ATXN1: variants seen among roughly 807,000 people sequenced by gnomAD.
ATXN1 encodes ataxin-1.
In ATXN1, 8 loss-of-function variants were observed where a neutral mutation model predicts 56.4. The ratio of observed to expected loss-of-function variants is 0.14; its 90% confidence interval spans 0.08 to 0.26. ATXN1 has a LOEUF of 0.26. ATXN1 is among the 10% of genes least tolerant of loss of function. ATXN1 has a pLI of 1.00. For missense variants in ATXN1, 987 were observed against 1,106.5 expected (o/e 0.89, Z 1.53); for synonymous variants, 514 against 494.6 (o/e 1.04, Z -0.52).
Position 16,328,390 on chromosome 6 carries a change from T to C in ATXN1, c.-80A>G, listed in dbSNP as rs1276451256. 7.1e-6 allele frequency: 10 copies of C among 1,416,398 alleles called. No individual in the cohort carries two copies. In the African/African-American group the frequency reaches 1.4e-4, roughly 20 times the overall value. 87.7% of individuals were successfully genotyped at this position (1,416,398 alleles called of 1,614,324 possible). On this transcript the variant is annotated 5_prime_UTR_variant, in exon 7 of 8. The change abolishes an upstream ATG in the 5' untranslated region. Coordinates refer to ENST00000436367, the MANE Select transcript of ATXN1 (RefSeq NM_001128164.2). The surrounding 1 kb of genome is among the most constrained non-coding windows in gnomAD (Gnocchi z 6.2). ...TTAGTCTGATAAACGGAAAGTCACA[T>C]TTGATTTCTGTAGGGGATCCAGGCT...
chr6:16,415,139 A>G (rs1445253040), intron 6 of ATXN1, among the ~76,000 whole-genome samples: 4 of 152,372 alleles, frequency 2.6e-5, no homozygotes, highest in African/African-American at 7.2e-5. Flanking sequence ...AGAAGAAGAA[A>G]TTATTTTAAA....
chr6:16,426,607 A>ATG (rs144648865), intron 6 of ATXN1, among the ~76,000 whole-genome samples: 54,188 of 149,210 alleles, frequency 0.36, 9,971 homozygotes, highest in African/African-American at 0.39. Context: ...GTGTGTCTGT[A>ATG]TGTGTGTGTG....
intron 4 of ATXN1, among the ~76,000 whole-genome samples, chr6:16,552,266 C>T (rs1761935000): frequency 6.6e-6 from 1 of 152,214 alleles, no homozygotes; most frequent in African/African-American, 2.4e-5. Context: ...GTCTTTCTAA[C>T]CAGCTCACTC....
At chr6:16,405,471 T>C (rs1287515140) in intron 6 of ATXN1, among the ~76,000 whole-genome samples, 4 of 152,210 alleles carry the variant, frequency 2.6e-5, no homozygotes, top group Admixed American at 2.6e-4. Context: ...ACCTTGTGGA[T>C]GGCAATGATC....
At chr6:16,517,081 G>A (rs1274993498) in intron 5 of ATXN1, among the ~76,000 whole-genome samples, 1 of 152,216 alleles carries the variant, frequency 6.6e-6, no homozygotes, top group East Asian at 1.9e-4. Flanking sequence ...GGATCATCAG[G>A]AATTAAGTGC....
intron 5 of ATXN1, among the ~76,000 whole-genome samples, chr6:16,489,128 T>G (rs1014060734): frequency 6.6e-6 from 1 of 152,232 alleles, no homozygotes; most frequent in African/African-American, 2.4e-5. Flanking sequence ...CCACTGGATT[T>G]ATTTAAGTCT....
chr6:16,440,649 A>AAAAAAAAAAAAAGAAAG (rs56105499), intron 6 of ATXN1, among the ~76,000 whole-genome samples: 1 of 113,660 alleles, frequency 8.8e-6, no homozygotes, highest in Non-Finnish European at 1.8e-5. Flanking sequence ...TTAAAAAAAA[A>AAAAAAAAAAAAAGAAAG]AAAGAAAAGA....
At chr6:16,449,066 T>C (rs1312811686) in intron 6 of ATXN1, among the ~76,000 whole-genome samples, 1 of 152,034 alleles carries the variant, frequency 6.6e-6, no homozygotes, top group African/African-American at 2.4e-5. Context: ...CTTGTGTAGA[T>C]CTCAAAATAA....
chr6:16,490,861 G>A (rs1005573085), intron 5 of ATXN1, among the ~76,000 whole-genome samples: 3 of 151,808 alleles, frequency 2.0e-5, no homozygotes, highest in African/African-American at 7.3e-5. Flanking sequence ...GCCAATCAAA[G>A]GCCTCTCTCA....
At chr6:16,376,410 T>C (rs1237392990) in intron 6 of ATXN1, among the ~76,000 whole-genome samples, 1 of 152,220 alleles carries the variant, frequency 6.6e-6, no homozygotes, top group Non-Finnish European at 1.5e-5. Flanking sequence ...ACCCACAGAA[T>C]TTCATTTAAT....
intron 6 of ATXN1, among the ~76,000 whole-genome samples, chr6:16,344,182 C>G (rs1761323332): frequency 6.6e-6 from 1 of 152,120 alleles, no homozygotes; most frequent in Non-Finnish European, 1.5e-5. Flanking sequence ...TCCTTAGCAC[C>G]CTGCTCCAAC....
chr6:16,391,410 A>C (rs1758353439), intron 6 of ATXN1, among the ~76,000 whole-genome samples: 1 of 152,192 alleles, frequency 6.6e-6, no homozygotes, highest in South Asian at 2.1e-4. Context: ...AGACATTTGC[A>C]GTCTCTAATG....
chr6:16,303,878 C>T lies in ATXN1; in HGVS notation c.*2451G>A, dbSNP rs2113368802. 6.5e-6 allele frequency: 1 copy of T among 152,716 alleles called. No homozygotes were observed. The highest frequency in any genetic ancestry group is 1.5e-5 in the Non-Finnish European group (1 of 68,032). The allele number at this position is 152,716 out of a possible 1,614,324, so 9.5% of individuals were successfully genotyped here. Reference sequence around the variant, plus strand: ...AAAGAAAAACAAAACCTAATAATTGCAAGTGCCCTGAGCAGAATATATGGA... The same window carrying T: ...AAAGAAAAACAAAACCTAATAATTGTAAGTGCCCTGAGCAGAATATATGGA... On this transcript the variant is annotated 3_prime_UTR_variant, in exon 8 of 8. Coordinates refer to ENST00000436367, the MANE Select transcript of ATXN1 (RefSeq NM_001128164.2). This position sits in a 1 kb window ranked among gnomAD's most constrained non-coding sequence, Gnocchi z 4.3.
chr6:16,493,018 C>A (rs566078518), intron 5 of ATXN1, among the ~76,000 whole-genome samples: 1 of 152,098 alleles, frequency 6.6e-6, no homozygotes, highest in East Asian at 1.9e-4. Flanking sequence ...CTATCTTCAC[C>A]GCCCCATGCT....
At chr6:16,337,576 A>G (rs1761152577) in intron 6 of ATXN1, among the ~76,000 whole-genome samples, 1 of 152,238 alleles carries the variant, frequency 6.6e-6, no homozygotes, top group South Asian at 2.1e-4. Flanking sequence ...ACAGAGGTTG[A>G]GTTGGAGTTT....
At chr6:16,473,087 G>A (rs1209627869) in intron 6 of ATXN1, among the ~76,000 whole-genome samples, 1 of 152,140 alleles carries the variant, frequency 6.6e-6, no homozygotes, top group Admixed American at 6.5e-5. Context: ...AAGGCTGCCT[G>A]CCCTACTTGT....
intron 2 of ATXN1, among the ~76,000 whole-genome samples, chr6:16,730,827 C>T (rs999314938): frequency 2.6e-5 from 4 of 152,138 alleles, no homozygotes; most frequent in Non-Finnish European, 2.9e-5. Context: ...TATTCCAGGT[C>T]AAATTTCAAG....
chr6:16,376,571 A>G (rs1350434911), intron 6 of ATXN1, among the ~76,000 whole-genome samples: 1 of 152,232 alleles, frequency 6.6e-6, no homozygotes, highest in African/African-American at 2.4e-5. Context: ...GATTGGAGAG[A>G]GGCCATATAC....
At chr6:16,561,101 G>T (rs1762107936) in intron 4 of ATXN1, among the ~76,000 whole-genome samples, 1 of 151,946 alleles carries the variant, frequency 6.6e-6, no homozygotes, top group East Asian at 1.9e-4. Context: ...TAAAAGTCAG[G>T]CTTCCTACCC....
Sources: gnomAD v4.1 joint callset for allele counts (sites outside exome capture counted in the v4.1 genomes callset) on GRCh38, gnomAD v4.1.1 for gene constraint, Gnocchi (gnomAD v3.1) non-coding constraint, MANE v1.5 for transcripts, NCBI Gene and HGNC (gene_info 2026-07-23, HGNC 2026-07-21) for gene names.